The following KLHL32 variants were observed in gnomAD, a reference collection of about 807,000 sequenced individuals.
KLHL32 encodes the protein kelch-like protein 32.
A neutral mutation model predicts 64.8 loss-of-function variants in KLHL32; 35 were observed. The observed-to-expected ratio is 0.54, with a 90% CI of 0.41 to 0.72. The LOEUF is 0.72. KLHL32 is among the 30% of genes least tolerant of loss of function. The probability of loss-of-function intolerance (pLI) is 0.00; values close to 1 mark genes in which losing one functional copy is unlikely to be tolerated. For missense variants in KLHL32, 589 were observed against 768.5 expected, an observed-to-expected ratio of 0.77 and a Z score of 2.76; for synonymous variants, 259 against 281.0, an observed-to-expected ratio of 0.92 and a Z score of 0.78.
At chr6:97,100,078 G>A (rs1287607994) in intron 6 of KLHL32, among the ~76,000 whole-genome samples, 4 of 152,002 alleles carry the variant, frequency 2.6e-5, no homozygotes, top group Non-Finnish European at 2.9e-5. Flanking sequence ...GGAGGTGGAG[G>A]TAGCAGTACG....
intron 4 of KLHL32, among the ~76,000 whole-genome samples, chr6:97,054,869 G>A (rs890069779): frequency 3.3e-5 from 5 of 152,142 alleles, no homozygotes; most frequent in African/African-American, 7.2e-5. Context: ...AACCCGGGAG[G>A]CAGAGGATGC....
At chr6:96,913,610 G>A in the KLHL32 span, among the ~76,000 whole-genome samples, 6 of 152,276 alleles carry the variant, frequency 3.9e-5, no homozygotes, top group Admixed American at 6.5e-5. Context: ...TAGATGGGTC[G>A]GTAGGGAGAC....
chr6:96,958,242 C>T (rs778256553), intron 1 of KLHL32, among the ~76,000 whole-genome samples: 8 of 152,158 alleles, frequency 5.3e-5, no homozygotes, highest in Non-Finnish European at 1.0e-4. Context: ...GGGCAGTAGA[C>T]CCCCCACCCC....
At chr6:97,044,943 T>C (rs1785696534) in intron 4 of KLHL32, among the ~76,000 whole-genome samples, 1 of 152,138 alleles carries the variant, frequency 6.6e-6, no homozygotes, top group Non-Finnish European at 1.5e-5. Flanking sequence ...TTTTATCTTT[T>C]CAAATAATGA....
chr6:97,038,855 C>T (rs1784675226), intron 3 of KLHL32, among the ~76,000 whole-genome samples: 1 of 151,902 alleles, frequency 6.6e-6, no homozygotes. Flanking sequence ...CTTTGGGAGG[C>T]TGAGGCAGGT....
chr6:97,000,990 G>C (rs1778958216), intron 3 of KLHL32, among the ~76,000 whole-genome samples: 1 of 152,128 alleles, frequency 6.6e-6, no homozygotes, highest in Non-Finnish European at 1.5e-5. Flanking sequence ...CAAAACTATG[G>C]AGACAATAAA....
At chr6:97,070,666 G>C (rs1436298323) in intron 5 of KLHL32, among the ~76,000 whole-genome samples, 1 of 152,170 alleles carries the variant, frequency 6.6e-6, no homozygotes, top group Admixed American at 6.5e-5. Context: ...TCTTGAAAGA[G>C]TTCACTAATA....
At chr6:97,053,810 A>G (rs1385319688) in intron 4 of KLHL32, among the ~76,000 whole-genome samples, 1 of 151,892 alleles carries the variant, frequency 6.6e-6, no homozygotes, top group Non-Finnish European at 1.5e-5. Flanking sequence ...TTTTATTTAT[A>G]TACTATGCAT....
chr6:97,027,678 ACTTT>A (rs1254139935), intron 3 of KLHL32, among the ~76,000 whole-genome samples: 1 of 152,188 alleles, frequency 6.6e-6, no homozygotes, highest in Non-Finnish European at 1.5e-5. Flanking sequence ...CCTTGAATCC[ACTTT>A]CTTTCTTTTG....
chr6:96,991,431 T>C lies in KLHL32; in HGVS notation c.204+15254T>C, dbSNP rs920403789. 2.0e-5 allele frequency among the ~76,000 whole-genome samples: 3 copies of C among 151,836 alleles called. 1 individual carries two copies. The highest frequency in any genetic ancestry group is 2.0e-4 in the Admixed American group (3 of 15,258). ...CATAGCAACCAGGCCCTTTGTTCCT[T>C]CCCCAATGCAGTAAGGGTGGTACCC... is the stretch of plus-strand genomic sequence containing the variant. On this transcript the variant is annotated intron_variant, in intron 3 of 10. Transcript: ENST00000369261.
intron 3 of KLHL32, among the ~76,000 whole-genome samples, chr6:96,985,517 C>A (rs112260714): frequency 7.6e-4 from 115 of 152,282 alleles, no homozygotes; most frequent in African/African-American, 2.7e-3. Flanking sequence ...ACCAATCAGA[C>A]GTAGATTTGG....
intron 5 of KLHL32, among the ~76,000 whole-genome samples, chr6:97,072,407 T>A (rs1464718358): frequency 6.6e-6 from 1 of 152,220 alleles, no homozygotes; most frequent in African/African-American, 2.4e-5. Context: ...TCTGTTTGAT[T>A]GATTTTTTAA....
At chr6:97,094,751 T>C (rs1794731430) in intron 6 of KLHL32, among the ~76,000 whole-genome samples, 2 of 152,194 alleles carry the variant, frequency 1.3e-5, no homozygotes, top group Non-Finnish European at 1.5e-5. Context: ...ATAGGAAGAG[T>C]TACAAGTCAG....
intron 6 of KLHL32, 111 bp downstream of exon 6, chr6:97,085,452 G>A: frequency 2.2e-6 from 2 of 916,164 alleles, no homozygotes; most frequent in East Asian, 2.6e-5. Context: ...TCCTCATGGA[G>A]TTGTTTTAGA....
chr6:96,967,927 C>G (rs1774646903), intron 2 of KLHL32, among the ~76,000 whole-genome samples: 1 of 152,298 alleles, frequency 6.6e-6, no homozygotes, highest in Non-Finnish European at 1.5e-5. Context: ...GCATGGCATT[C>G]ATTTGAATAG....
intron 4 of KLHL32, among the ~76,000 whole-genome samples, chr6:97,047,483 ACT>A (rs1786113202): frequency 6.6e-6 from 1 of 152,102 alleles, no homozygotes; most frequent in Admixed American, 6.5e-5. Context: ...ACATAAACTG[ACT>A]CTGGGCAGAT....
chr6:97,130,997 C>T, intron 9 of KLHL32, 48 bp downstream of exon 9: 7 of 1,546,720 alleles, frequency 4.5e-6, no homozygotes, highest in Non-Finnish European at 6.2e-6. Context: ...TTCAAGAAGT[C>T]ACCAAACTTG....
intron 4 of KLHL32, among the ~76,000 whole-genome samples, chr6:97,054,197 A>G (rs1050691024): frequency 6.6e-6 from 1 of 152,222 alleles, no homozygotes; most frequent in African/African-American, 2.4e-5. Flanking sequence ...ATTGGAAGTT[A>G]TATTCCATTT....
chr6:96,973,730 C>T (rs1461196918), intron 2 of KLHL32, among the ~76,000 whole-genome samples: 13 of 118,262 alleles, frequency 1.1e-4, no homozygotes, highest in East Asian at 9.4e-4. Flanking sequence ...TACAGATTGC[C>T]TTTTTTTTTT....
Sources: allele counts gnomAD v4.1 joint callset (sites outside exome capture counted in the v4.1 genomes callset), GRCh38; gene constraint gnomAD v4.1.1; transcripts MANE v1.5; gene names NCBI Gene and HGNC (gene_info 2026-07-23, HGNC 2026-07-21).